Variants in RUNDC3B observed in about 807,000 individuals in gnomAD.
The protein encoded by RUNDC3B is RUN domain containing 3B.
A neutral mutation model predicts 58.4 loss-of-function variants in RUNDC3B; 33 were observed. That is an observed-to-expected ratio of 0.56 (90% CI 0.43 to 0.75). The LOEUF is 0.75. RUNDC3B is among the 30% of genes least tolerant of loss of function. RUNDC3B has a pLI of 0.00. For synonymous variants in RUNDC3B, 193 were observed against 195.2 expected, an observed-to-expected ratio of 0.99 and a Z score of 0.10; for missense variants, 501 against 535.7, an observed-to-expected ratio of 0.94 and a Z score of 0.64.
At chr7:87,826,961 AT>A (rs1249321766) in intron 10 of RUNDC3B, among the ~76,000 whole-genome samples, 3 of 152,158 alleles carry the variant, frequency 2.0e-5, no homozygotes, top group Non-Finnish European at 4.4e-5. Flanking sequence ...TTCCTAAATA[AT>A]TTTTTTAAAG....
chr7:87,756,838 T>C (rs539361646), intron 6 of RUNDC3B, among the ~76,000 whole-genome samples: 126 of 152,140 alleles, frequency 8.3e-4, no homozygotes, highest in Non-Finnish European at 1.6e-3. Flanking sequence ...ATATATGTTA[T>C]GTGGAATATG....
intron 2 of RUNDC3B, among the ~76,000 whole-genome samples, chr7:87,654,769 A>G (rs1442296934): frequency 6.6e-6 from 1 of 152,146 alleles, no homozygotes; most frequent in Admixed American, 6.6e-5. Flanking sequence ...TAAAGAGACA[A>G]TTTACAAAAA....
chr7:87,696,267 G>T (rs1828484428), intron 2 of RUNDC3B, among the ~76,000 whole-genome samples: 1 of 151,896 alleles, frequency 6.6e-6, no homozygotes, highest in South Asian at 2.1e-4. Flanking sequence ...TGTCTTTTGT[G>T]GTTATTTTTA....
At chr7:87,714,852 A>G (rs1830411246) in intron 4 of RUNDC3B, among the ~76,000 whole-genome samples, 1 of 151,792 alleles carries the variant, frequency 6.6e-6, no homozygotes, top group African/African-American at 2.4e-5. Flanking sequence ...CTTTTCTGGG[A>G]TAGGAATCTT....
At chr7:87,763,598 C>T (rs1445674221) in intron 6 of RUNDC3B, among the ~76,000 whole-genome samples, 1 of 151,488 alleles carries the variant, frequency 6.6e-6, no homozygotes, top group East Asian at 1.9e-4. Context: ...TTTTTTCTGT[C>T]TATCTTCCAT....
chr7:87,789,780 G>A (rs1194028266), intron 8 of RUNDC3B, among the ~76,000 whole-genome samples: 1 of 152,166 alleles, frequency 6.6e-6, no homozygotes, highest in Admixed American at 6.5e-5. Flanking sequence ...GTAGTAATTT[G>A]ATATTGATAG....
intron 4 of RUNDC3B, among the ~76,000 whole-genome samples, chr7:87,732,262 C>A (rs905871185): frequency 2.0e-5 from 3 of 151,892 alleles, no homozygotes; most frequent in African/African-American, 7.3e-5. Context: ...AAAAGCAGTA[C>A]TTAGAATGTT....
At chr7:87,770,306 T>A (rs1292326785) in intron 6 of RUNDC3B, among the ~76,000 whole-genome samples, 1 of 152,124 alleles carries the variant, frequency 6.6e-6, no homozygotes, top group Non-Finnish European at 1.5e-5. Flanking sequence ...CTCTCTCTTT[T>A]GGGCATTCTT....
chr7:87,635,097 C>T (rs1821628684), intron 1 of RUNDC3B, among the ~76,000 whole-genome samples: 1 of 152,134 alleles, frequency 6.6e-6, no homozygotes, highest in Admixed American at 6.6e-5. Flanking sequence ...GTCAAAATTT[C>T]AGTTGAGAGA....
intron 4 of RUNDC3B, among the ~76,000 whole-genome samples, chr7:87,733,748 C>G (rs1429770774): frequency 6.6e-6 from 1 of 152,118 alleles, no homozygotes; most frequent in Non-Finnish European, 1.5e-5. Flanking sequence ...CAGTAGGGTT[C>G]TTACTCCTGT....
intron 2 of RUNDC3B, among the ~76,000 whole-genome samples, chr7:87,654,805 A>G (rs1823921794): frequency 6.6e-6 from 1 of 152,090 alleles, no homozygotes; most frequent in East Asian, 1.9e-4. Flanking sequence ...AAAACCACAC[A>G]TCGGATAAGG....
chr7:87,668,381 T>A (rs1010775868), intron 2 of RUNDC3B, among the ~76,000 whole-genome samples: 2 of 152,140 alleles, frequency 1.3e-5, no homozygotes, highest in Admixed American at 1.3e-4. Context: ...TTCTTCCTTC[T>A]TCTTTATTAG....
At chr7:87,643,634 C>A (rs1456073090) in intron 1 of RUNDC3B, among the ~76,000 whole-genome samples, 1 of 151,808 alleles carries the variant, frequency 6.6e-6, no homozygotes, top group African/African-American at 2.4e-5. Context: ...AATTTTCCTG[C>A]CTCAGCCTCC....
chr7:87,697,260 C>T (rs932238171), intron 2 of RUNDC3B, among the ~76,000 whole-genome samples: 1 of 152,068 alleles, frequency 6.6e-6, no homozygotes, highest in Non-Finnish European at 1.5e-5. Flanking sequence ...TTTTCCCTTG[C>T]CTATTTCTCT....
intron 10 of RUNDC3B, among the ~76,000 whole-genome samples, chr7:87,826,913 G>A (rs901578196): frequency 1.3e-5 from 2 of 152,134 alleles, no homozygotes; most frequent in South Asian, 4.1e-4. Context: ...GATTTGTCTA[G>A]TTGTATAAAG....
At chr7:87,682,281 A>G (rs747499376) in intron 2 of RUNDC3B, among the ~76,000 whole-genome samples, 2 of 152,190 alleles carry the variant, frequency 1.3e-5, no homozygotes, top group Non-Finnish European at 2.9e-5. Flanking sequence ...GTTGGAATCA[A>G]CTTTTTCCAA....
intron 6 of RUNDC3B, among the ~76,000 whole-genome samples, chr7:87,750,929 G>T (rs1350532123): frequency 6.6e-6 from 1 of 152,020 alleles, no homozygotes; most frequent in Non-Finnish European, 1.5e-5. Flanking sequence ...ATTGCTTTTG[G>T]TGTTTTAGAC....
chr7:87,747,156 C>A (rs1173531245), intron 6 of RUNDC3B, among the ~76,000 whole-genome samples: 1 of 152,134 alleles, frequency 6.6e-6, no homozygotes, highest in Admixed American at 6.5e-5. Flanking sequence ...TCTTTTGTCC[C>A]ACGGGGTGTT....
intron 8 of RUNDC3B, among the ~76,000 whole-genome samples, chr7:87,779,846 A>G (rs1391393559): frequency 3.3e-5 from 5 of 150,746 alleles, no homozygotes; most frequent in African/African-American, 9.8e-5. Context: ...ACGTGTACCG[A>G]TTATTTAACT....
Sources: allele counts gnomAD v4.1 joint callset (sites outside exome capture counted in the v4.1 genomes callset), GRCh38; gene constraint gnomAD v4.1.1; transcripts MANE v1.5; gene names NCBI Gene and HGNC (gene_info 2026-07-23, HGNC 2026-07-21).